Variants in ZNF608 observed in about 807,000 individuals in gnomAD.
ZNF608 encodes the protein zinc finger protein 608.
Under a neutral mutation model 109.0 loss-of-function variants are expected in ZNF608, and 12 were observed. The observed-to-expected ratio is 0.11, with a 90% CI of 0.07 to 0.18. The LOEUF (loss-of-function observed/expected upper bound fraction) is 0.18, where lower values mean the gene tolerates loss of function less well. ZNF608 is among the 10% of genes least tolerant of loss of function. ZNF608 has a pLI of 1.00. For missense variants in ZNF608, 1,707 were observed against 1,879.3 expected, an observed-to-expected ratio of 0.91 and a Z score of 1.70; for synonymous variants, 732 against 717.4, an observed-to-expected ratio of 1.02 and a Z score of -0.33.
At chr5:124,721,011 G>C (rs1168508661) in intron 2 of ZNF608, among the ~76,000 whole-genome samples, 1 of 152,040 alleles carries the variant, frequency 6.6e-6, no homozygotes, top group Non-Finnish European at 1.5e-5. Context: ...GAAATCATCA[G>C]ACAAAAATCT....
At position 124,649,092 on chromosome 5, in the gene ZNF608, C is replaced by G. The variant is rs560608791; in HGVS notation, c.1292G>C (p.Gly431Ala). 2 of 1,589,706 alleles carry G rather than the reference C, an allele frequency of 1.3e-6. No homozygotes were observed. Among genetic ancestry groups the G allele is most frequent in the South Asian group, 2.3e-5 (2 of 87,882 alleles). Residue 431 changes from glycine (G) to alanine (A), a missense_variant, in exon 5 of 10, where the codon GGC becomes GCC. This residue lies in a region of ZNF608 where 166 missense variants were observed against 204.2 expected (regional missense o/e 0.81). Coordinates refer to ENST00000513986, the MANE Select transcript of ZNF608 (RefSeq NM_020747.3). ...CCTCGCTCTCTTCCCTCTGCCCCGG[C>G]CCCCTCTCATCTCCAGGTCACTTGT... Reference protein sequence around the residue: ...SPTSDLEMRGGRGRGKRARSA... With the variant: ...SPTSDLEMRGARGRGKRARSA...
intron 1 of ZNF608, among the ~76,000 whole-genome samples, chr5:124,745,594 G>C (rs1197556956): frequency 1.3e-5 from 2 of 152,140 alleles, no homozygotes; most frequent in Non-Finnish European, 2.9e-5. Flanking sequence ...CCCTAAACAT[G>C]TCCTAGATCT....
chr5:124,644,301 C>T lies in ZNF608; in HGVS notation c.4066G>A (p.Asp1356Asn), dbSNP rs1248025610. Residue 1356 changes from aspartate to asparagine, a missense_variant, in exon 6 of 10, where the codon GAC becomes AAC. By Grantham distance (23) the Asp-to-Asn change is conservative (BLOSUM62 1). Around this residue, in one of 7 missense-constraint regions of ZNF608, gnomAD observed 1,073 missense variants for 1,133.5 expected, o/e 0.95. Transcript: ENST00000513986. ...GCCCGGTATGCAGGATGGCTGGGGT[C>T]GTACATCTGTGGGTAAGGATAAGCA... ...LHAYPYPQMYDPSHPAYRAVS... is the reference protein window; with the variant it reads ...LHAYPYPQMYNPSHPAYRAVS... The T allele has an allele frequency of 6.2e-7, 1 of 1,613,828 alleles. No homozygotes were observed. The highest frequency in any genetic ancestry group is 1.7e-5 in the Admixed American group (1 of 59,998).
At chr5:124,649,226 C>T in intron 4 of ZNF608, 93 bp from the exon 5 acceptor site, 3 of 1,037,670 alleles carry the variant, frequency 2.9e-6, no homozygotes, top group Non-Finnish European at 2.7e-6. Context: ...GGAGTCAACA[C>T]TCCAGTAGCT....
chr5:124,679,445 TTCCTTCCTTCCTTCTG>T (rs1304447755), intron 3 of ZNF608, among the ~76,000 whole-genome samples: 3 of 146,306 alleles, frequency 2.1e-5, no homozygotes, highest in Non-Finnish European at 3.0e-5. Context: ...CCTTCCTTCC[TTCCTTCCTTCCTTCTG>T]TCCTTCCTTC....
chr5:124,649,481 C>A, intron 4 of ZNF608, 129 bp downstream of exon 4: 1 of 689,734 alleles, frequency 1.4e-6, no homozygotes. Context: ...GCGTTCAATC[C>A]TAAATTGCTC....
rs1561564262 is a variant in ZNF608, at chr5:124,693,972, A to ATTTTTTTTTTTTTTTTTT, written c.1162+7041_1162+7042insAAAAAAAAAAAAAAAAAA. 4.3e-4 allele frequency among the ~76,000 whole-genome samples: 10 copies of ATTTTTTTTTTTTTTTTTT among 23,296 alleles called. 1 individual carries two copies. The highest frequency in any genetic ancestry group is 6.7e-4 in the Non-Finnish European group (9 of 13,414). The allele number at this position is 23,296 out of a possible 152,430, so 15.3% of individuals were successfully genotyped here. A position where few individuals can be genotyped will look rare whatever the true frequency, so the allele number is the denominator to read the frequency against. ...CTGTGAAGCTGGTAACATTTCATTA[A>ATTTTTTTTTTTTTTTTTT]TCTTTTTTTTTTTTTTTTTTTGAGA... On this transcript the variant is annotated intron_variant, in intron 3 of 9. Transcript: ENST00000513986.
chr5:124,720,591 T>C (rs775620797), intron 2 of ZNF608, among the ~76,000 whole-genome samples: 13 of 152,174 alleles, frequency 8.5e-5, no homozygotes, highest in Non-Finnish European at 1.8e-4. Flanking sequence ...GAAAAATAAA[T>C]TTTAATAACA....
At chr5:124,738,120 G>A (rs925819258) in intron 2 of ZNF608, among the ~76,000 whole-genome samples, 1 of 152,144 alleles carries the variant, frequency 6.6e-6, no homozygotes, top group South Asian at 2.1e-4. Flanking sequence ...TGACATACCA[G>A]TTACAGGGCA....
At position 124,744,564 on chromosome 5, in the gene ZNF608, G is replaced by A; in HGVS notation, c.426C>T (p.Arg142=). 6.2e-7 allele frequency: 1 copy of A among 1,614,208 alleles called. No individual in the cohort carries two copies. The highest frequency in any genetic ancestry group is 8.5e-7 in the Non-Finnish European group (1 of 1,180,044). The part of the protein sequence containing the change: ...STGKRQEVQG[R]PGEATGMNSA... ...AATTCATGCCAGTTGCCTCTCCAGG[G>A]CGCCCTTGGACTTCCTGCCTCTTGC... The change falls in exon 2 of 10, where the codon CGC becomes CGT. Residue 142 remains arginine (R), a synonymous_variant. Transcript: ENST00000513986. This position sits in a 1 kb window ranked among gnomAD's most constrained non-coding sequence, Gnocchi z 4.5.
chr5:124,647,378 A>G lies in ZNF608; in HGVS notation c.3006T>C (p.Pro1002=), dbSNP rs758331182. The change falls in exon 5 of 10, where the codon CCT becomes CCC. Residue 1002 remains proline (P), a synonymous_variant. Coordinates refer to ENST00000513986, the MANE Select transcript of ZNF608 (RefSeq NM_020747.3). ...SHSPYYHSYD[P]YYSPSYMHPG... ...GGTGCATGTAACTTGGAGAATAATA[A>G]GGATCATAGCTGTGGTAATAGGGAG... 1.2e-6 allele frequency: 2 copies of G among 1,614,220 alleles called. No individual in the cohort carries two copies. The highest frequency in any genetic ancestry group is 1.7e-6 in the Non-Finnish European group (2 of 1,180,026).
chr5:124,700,456 A>G (rs539801636), intron 3 of ZNF608, among the ~76,000 whole-genome samples: 6 of 152,378 alleles, frequency 3.9e-5, no homozygotes, highest in Non-Finnish European at 7.3e-5. Context: ...TAAGGAACAG[A>G]AAAGGTTTTA....
At chr5:124,677,903 G>A (rs1580604353) in intron 3 of ZNF608, among the ~76,000 whole-genome samples, 1 of 152,140 alleles carries the variant, frequency 6.6e-6, no homozygotes, top group Non-Finnish European at 1.5e-5. Context: ...CAGACACCAG[G>A]AAGCAGCTCT....
chr5:124,711,595 G>C (rs1463390890), intron 2 of ZNF608, among the ~76,000 whole-genome samples: 4 of 152,166 alleles, frequency 2.6e-5, no homozygotes, highest in Non-Finnish European at 5.9e-5. Context: ...CCTTTAGATG[G>C]GTTGCCGTTT....
At chr5:124,662,394 T>A (rs1751299095) in intron 3 of ZNF608, among the ~76,000 whole-genome samples, 1 of 152,240 alleles carries the variant, frequency 6.6e-6, no homozygotes, top group African/African-American at 2.4e-5. Context: ...TGACCCCAGG[T>A]GGCACATCAG....
At position 124,649,514 on chromosome 5, in the gene ZNF608, A is replaced by G. The variant is rs573744723; in HGVS notation, c.1250+96T>C. The G allele has an allele frequency of 6.9e-5, 70 of 1,011,464 alleles. No individual in the cohort carries two copies. In the African/African-American group the frequency reaches 6.9e-4, roughly 10 times the overall value. 62.7% of individuals were successfully genotyped at this position (1,011,464 alleles called of 1,614,324 possible). On this transcript the variant is annotated intron_variant, in intron 4 of 9. Coordinates refer to ENST00000513986, the MANE Select transcript of ZNF608 (RefSeq NM_020747.3). ...CTCATTTCTCCTTTGCCTGGTTTCA[A>G]TTACAGGCACACTTTTATGTATTAT... is the stretch of plus-strand genomic sequence containing the variant.
Position 124,648,820 on chromosome 5 carries a change from G to A in ZNF608, c.1564C>T (p.Arg522Cys), listed in dbSNP as rs1196678700. 3.7e-6 allele frequency: 6 copies of A among 1,614,060 alleles called. No individual in the cohort carries two copies. In the East Asian group the frequency reaches 6.7e-5, roughly 18 times the overall value. Reference protein sequence around the residue: ...SSSEDNKPGKRVRTNSRSTPT... With the variant: ...SSSEDNKPGKCVRTNSRSTPT... ...GTGCTTCTGGAATTTGTGCGGACAC[G>A]CTTTCCAGGCTTATTGTCCTCAGAG... The change falls in exon 5 of 10, where the codon CGT becomes TGT. Residue 522 changes from arginine to cysteine, a missense_variant. Arg to Cys is a radical substitution (Grantham distance 180, BLOSUM62 -3). Around this residue, in one of 7 missense-constraint regions of ZNF608, gnomAD observed 166 missense variants for 204.2 expected, o/e 0.81. Transcript: ENST00000513986.
chr5:124,649,742 T>G (rs1750697349), intron 3 of ZNF608, 45 bp from the exon 4 acceptor site: 2 of 1,217,010 alleles, frequency 1.6e-6, no homozygotes, highest in South Asian at 1.5e-5. Context: ...TACCACTGAT[T>G]ACTGTTATTT....
At chr5:124,683,086 C>T (rs1365158870) in intron 3 of ZNF608, among the ~76,000 whole-genome samples, 3 of 152,170 alleles carry the variant, frequency 2.0e-5, no homozygotes, top group African/African-American at 7.2e-5. Flanking sequence ...ATGTTGTGAG[C>T]AGTCCTATGG....
Sources: gnomAD v4.1 joint callset for allele counts (sites outside exome capture counted in the v4.1 genomes callset) on GRCh38, gnomAD v4.1.1 for gene constraint, gnomAD v4.1.1 regional missense constraint, Gnocchi (gnomAD v3.1) non-coding constraint, MANE v1.5 for transcripts, NCBI Gene and HGNC (gene_info 2026-07-23, HGNC 2026-07-21) for gene names.